The following NPAT variants were observed in gnomAD, a reference collection of about 807,000 sequenced individuals.
NPAT encodes the protein protein NPAT.
In NPAT, 52 loss-of-function variants were observed where a neutral mutation model predicts 130.7. The ratio of observed to expected loss-of-function variants is 0.40; its 90% CI spans 0.32 to 0.50. The LOEUF (loss-of-function observed/expected upper bound fraction) is 0.50. Ranked by LOEUF, NPAT falls within the 20% of genes least tolerant of loss-of-function variation. The pLI is 0.68. For missense variants in NPAT, 1,687 were observed against 1,662.6 expected (o/e 1.01, Z -0.26); for synonymous variants, 580 against 584.8 (o/e 0.99, Z 0.12).
chr11:108,177,137 A>G, intron 10 of NPAT, 47 bp from the exon 11 acceptor site: 1 of 871,500 alleles, frequency 1.1e-6, no homozygotes, highest in Non-Finnish European at 1.8e-6. Context: ...CTGAATTTAT[A>G]TATATTTACA....
rs754588206 is a variant in NPAT, at chr11:108,173,016, A to C, written c.1968T>G (p.Ser656=). Residue 656 remains serine, a synonymous_variant, in exon 13 of 18, where the codon TCT becomes TCG. Transcript: ENST00000278612. The part of the protein sequence containing the change: ...HTENEAQASK[S]ENSQEPSSSV... Reference sequence around the variant, plus strand: ...AAGATGAAGGCTCCTGTGAATTCTCAGACTTGGATGCCTGAGCTTCATTTT... The same window carrying C: ...AAGATGAAGGCTCCTGTGAATTCTCCGACTTGGATGCCTGAGCTTCATTTT... The C allele has an allele frequency of 6.2e-7, 1 of 1,614,096 alleles. No homozygotes were observed. The highest frequency in any genetic ancestry group is 8.5e-7 in the Non-Finnish European group (1 of 1,180,006).
chr11:108,178,253 A>G (rs2078027229), intron 10 of NPAT, among the ~76,000 whole-genome samples: 1 of 152,198 alleles, frequency 6.6e-6, no homozygotes, highest in Non-Finnish European at 1.5e-5. Context: ...GTCAACTACA[A>G]GCTAAGCTAT....
chr11:108,221,255 T>C (rs563706963), intron 1 of NPAT, among the ~76,000 whole-genome samples: 2 of 152,236 alleles, frequency 1.3e-5, no homozygotes, highest in African/African-American at 2.4e-5. Context: ...CTGCTAAACA[T>C]CCTACAATGT....
chr11:108,221,666 G>A (rs963256957), intron 1 of NPAT, among the ~76,000 whole-genome samples: 12 of 152,270 alleles, frequency 7.9e-5, no homozygotes, highest in African/African-American at 2.9e-4. Flanking sequence ...TTTACTTTTA[G>A]GGACGTCGCA....
chr11:108,172,600 G>C lies in NPAT; in HGVS notation c.2384C>G (p.Thr795Ser). 6.2e-7 allele frequency: 1 copy of C among 1,614,202 alleles called. No individual in the cohort carries two copies. The highest frequency in any genetic ancestry group is 8.5e-7 in the Non-Finnish European group (1 of 1,180,038). The part of the protein sequence containing the change: ...ELVKCLSSEE[T>S]VGAVVYAEVG... Reference sequence around the variant, plus strand: ...TTCGGCATATACAACAGCACCTACAGTTTCTTCTGAAGATAGGCATTTAAC... The same window carrying C: ...TTCGGCATATACAACAGCACCTACACTTTCTTCTGAAGATAGGCATTTAAC... The change falls in exon 13 of 18, where the codon ACT (threonine) becomes AGT (serine). Residue 795 changes from threonine to serine, a missense_variant. By Grantham distance (58) the Thr-to-Ser change is moderately conservative (BLOSUM62 1). Around this residue, in one of 3 missense-constraint regions of NPAT, gnomAD observed 1,379 missense variants for 1,346.6 expected, o/e 1.02. Coordinates refer to ENST00000278612, the MANE Select transcript of NPAT (RefSeq NM_002519.3).
At chr11:108,199,424 CGCCACAG>C in intron 1 of NPAT, among the ~76,000 whole-genome samples, 1 of 152,272 alleles carries the variant, frequency 6.6e-6, no homozygotes, top group Non-Finnish European at 1.5e-5. Flanking sequence ...CAGGCAGGCG[CGCCACAG>C]GCCACAGAGA....
At chr11:108,159,568 T>G (rs1443046667) in intron 17 of NPAT, among the ~76,000 whole-genome samples, 1 of 152,168 alleles carries the variant, frequency 6.6e-6, no homozygotes. Flanking sequence ...CCTAAATTAT[T>G]TCCCTGATAC....
At chr11:108,170,348 T>C (rs935363210) in intron 13 of NPAT, 1 of 366,258 alleles carries the variant, frequency 2.7e-6, no homozygotes, top group African/African-American at 2.1e-5. Context: ...CAAGACATCA[T>C]ATTACAATCA....
intron 15 of NPAT, among the ~76,000 whole-genome samples, chr11:108,166,818 G>T (rs1275603931): frequency 1.3e-5 from 2 of 152,076 alleles, no homozygotes; most frequent in Non-Finnish European, 2.9e-5. Flanking sequence ...ATTCTACTGG[G>T]ATTTTTAAGG....
intron 1 of NPAT, among the ~76,000 whole-genome samples, chr11:108,207,925 C>T (rs2078344722): frequency 6.6e-6 from 1 of 152,222 alleles, no homozygotes; most frequent in Non-Finnish European, 1.5e-5. Context: ...TGGACTGATT[C>T]AAAGACACAA....
rs1257068612 is a variant in NPAT, at chr11:108,161,001, G to A, written c.4085C>T (p.Ser1362Phe). 3.7e-6 allele frequency: 6 copies of A among 1,614,144 alleles called. No homozygotes were observed. Among genetic ancestry groups the A allele is most frequent in the Non-Finnish European group, 5.1e-6 (6 of 1,180,030 alleles). Residue 1362 changes from serine to phenylalanine, a missense_variant, in exon 17 of 18, where the codon TCT becomes TTT. Coordinates refer to ENST00000278612, the MANE Select transcript of NPAT (RefSeq NM_002519.3). ...LKDNTQQFRA[S>F]SRSTTKKRKI... ...CCGCTTTTTTGTGGTGCTCCTTGAA[G>A]ATGCTCTAAACTGTTGTGTGTTATC...
chr11:108,206,765 T>C (rs781276763), intron 1 of NPAT, among the ~76,000 whole-genome samples: 2 of 152,204 alleles, frequency 1.3e-5, no homozygotes, highest in African/African-American at 2.4e-5. Context: ...TTATCCTGCG[T>C]CCAGGAAGAA....
chr11:108,209,583 A>G (rs983397973), intron 1 of NPAT, among the ~76,000 whole-genome samples: 4 of 152,038 alleles, frequency 2.6e-5, no homozygotes, highest in African/African-American at 7.2e-5. Flanking sequence ...AAAAACCTTA[A>G]AATTTAAAAT....
At chr11:108,196,686 A>C (rs1480099794) in intron 2 of NPAT, among the ~76,000 whole-genome samples, 4 of 152,162 alleles carry the variant, frequency 2.6e-5, no homozygotes, top group Non-Finnish European at 4.4e-5. Flanking sequence ...GCTATTATAA[A>C]CGGGTATTTT....
At chr11:108,174,594 TGAGTAAGG>T (rs2077986425) in intron 12 of NPAT, among the ~76,000 whole-genome samples, 1 of 144,108 alleles carries the variant, frequency 6.9e-6, no homozygotes, top group Non-Finnish European at 1.5e-5. Context: ...GAGTATGATA[TGAGTAAGG>T]AAAGAGTATT....
intron 1 of NPAT, among the ~76,000 whole-genome samples, chr11:108,208,980 C>A (rs866901250): frequency 3.9e-5 from 6 of 152,250 alleles, no homozygotes; most frequent in Middle Eastern, 6.8e-3. Flanking sequence ...CTATAAACAC[C>A]TGTATTTAAA....
chr11:108,185,186 G>A (rs747563107), intron 10 of NPAT, 46 bp downstream of exon 10: 2 of 1,259,388 alleles, frequency 1.6e-6, no homozygotes, highest in South Asian at 1.2e-5. Flanking sequence ...TCAATCTTAA[G>A]TATAAGTAAC....
chr11:108,211,015 T>C (rs2078378805), intron 1 of NPAT, among the ~76,000 whole-genome samples: 1 of 151,078 alleles, frequency 6.6e-6, no homozygotes, highest in Non-Finnish European at 1.5e-5. Flanking sequence ...GGTCAGGAGA[T>C]TGAGACCATC....
chr11:108,195,791 T>C (rs1057427535), intron 2 of NPAT, among the ~76,000 whole-genome samples: 2 of 152,142 alleles, frequency 1.3e-5, no homozygotes, highest in Non-Finnish European at 2.9e-5. Context: ...ACCTGGCTAA[T>C]TTTTAAAAAT....
Sources: gnomAD v4.1 joint callset for allele counts (sites outside exome capture counted in the v4.1 genomes callset) on GRCh38, gnomAD v4.1.1 for gene constraint, gnomAD v4.1.1 regional missense constraint, MANE v1.5 for transcripts, NCBI Gene and HGNC (gene_info 2026-07-23, HGNC 2026-07-21) for gene names.